Variants in GSK3B observed in about 807,000 individuals in gnomAD.
The protein encoded by GSK3B is glycogen synthase kinase 3 beta.
Under a neutral mutation model 56.4 loss-of-function variants are expected in GSK3B, and 15 were observed. The ratio of observed to expected loss-of-function variants is 0.27; its 90% CI spans 0.18 to 0.41. The LOEUF is 0.41. Among genes scored for constraint, GSK3B ranks in the 10% least tolerant of loss-of-function variants. GSK3B has a pLI of 1.00. For missense variants in GSK3B, 300 were observed against 513.4 expected (o/e 0.58, Z 4.02); for synonymous variants, 181 against 188.9 (o/e 0.96, Z 0.34).
At chr3:120,066,697 C>T (rs2058283132) in intron 1 of GSK3B, among the ~76,000 whole-genome samples, 1 of 152,154 alleles carries the variant, frequency 6.6e-6, no homozygotes, top group South Asian at 2.1e-4. Context: ...GGGGTCAGCA[C>T]ACTTTCCATA....
intron 7 of GSK3B, among the ~76,000 whole-genome samples, chr3:119,893,063 G>A (rs865913261): frequency 9.9e-5 from 15 of 151,868 alleles, no homozygotes; most frequent in Admixed American, 3.3e-4. Context: ...GTTGGTGTGC[G>A]GTGGTGCAAT....
At chr3:119,866,517 C>CTTT in intron 8 of GSK3B, 1 of 872,036 alleles carries the variant, frequency 1.1e-6, no homozygotes, top group South Asian at 1.4e-5. Flanking sequence ...ATTATTTAGC[C>CTTT]TCTCAAAGAA....
chr3:120,058,218 G>A (rs1559894835), intron 1 of GSK3B, among the ~76,000 whole-genome samples: 4 of 151,972 alleles, frequency 2.6e-5, no homozygotes, highest in African/African-American at 4.8e-5. Flanking sequence ...CCTTTGAGAA[G>A]CATCACAAAA....
chr3:120,017,718 C>G (rs1254557678), intron 1 of GSK3B, among the ~76,000 whole-genome samples: 2 of 152,220 alleles, frequency 1.3e-5, no homozygotes, highest in Non-Finnish European at 2.9e-5. Flanking sequence ...GTCCTACATA[C>G]TTTATCAATT....
chr3:119,863,585 T>A lies in GSK3B; in HGVS notation c.930A>T (p.Pro310=), dbSNP rs2056138188. The part of the protein sequence containing the change: ...PWTKVFRPRT[P]PEAIALCSRL... The stretch of plus-strand genomic sequence containing the variant: ...GGCTACACAGTGCAATTGCCTCCGG[T>A]GGAGTTCGGGGTCGGAAGACCTGCA... The change falls in exon 9 of 11, where the codon CCA becomes CCT. Residue 310 remains proline, a synonymous_variant. Transcript: ENST00000264235. The A allele has an allele frequency of 6.2e-7, 1 of 1,611,936 alleles. No individual in the cohort carries two copies.
chr3:120,088,842 T>A (rs1427861480), intron 1 of GSK3B, among the ~76,000 whole-genome samples: 2 of 152,222 alleles, frequency 1.3e-5, no homozygotes, highest in East Asian at 3.8e-4. Context: ...CACCACAATC[T>A]CACATCCTGT....
chr3:119,951,954 TAAAA>T (rs536904299), intron 2 of GSK3B, among the ~76,000 whole-genome samples: 1 of 141,784 alleles, frequency 7.1e-6, no homozygotes, highest in African/African-American at 2.6e-5. Context: ...GAGATGGCAT[TAAAA>T]AAAAAAACCC....
intron 2 of GSK3B, among the ~76,000 whole-genome samples, chr3:119,989,135 G>T (rs560842975): frequency 1.3e-5 from 2 of 152,290 alleles, no homozygotes; most frequent in South Asian, 4.1e-4. Context: ...CATCACAGAA[G>T]GAAATCTCTT....
intron 9 of GSK3B, among the ~76,000 whole-genome samples, chr3:119,858,416 C>T (rs564953663): frequency 6.6e-6 from 1 of 152,322 alleles, no homozygotes; most frequent in Non-Finnish European, 1.5e-5. Context: ...CTTCACCTTG[C>T]ACTTGAATGG....
intron 3 of GSK3B, among the ~76,000 whole-genome samples, chr3:119,925,329 A>C (rs1180249528): frequency 6.6e-6 from 1 of 152,156 alleles, no homozygotes; most frequent in East Asian, 1.9e-4. Context: ...CCTTGTCTCA[A>C]AATCAATTTG....
intron 3 of GSK3B, among the ~76,000 whole-genome samples, chr3:119,942,210 GTTAC>G (rs1014846512): frequency 6.6e-6 from 1 of 152,088 alleles, no homozygotes; most frequent in East Asian, 1.9e-4. Flanking sequence ...TAAATGAAAA[GTTAC>G]TTAGAGAAGT....
At chr3:119,840,092 CTCTG>C (rs374675649) in intron 10 of GSK3B, among the ~76,000 whole-genome samples, 12 of 152,126 alleles carry the variant, frequency 7.9e-5, no homozygotes, top group South Asian at 2.1e-4. Context: ...CAGTCCCTCA[CTCTG>C]TCTGTGTGGA....
chr3:119,925,408 T>A (rs551942885), intron 3 of GSK3B, among the ~76,000 whole-genome samples: 7 of 152,172 alleles, frequency 4.6e-5, no homozygotes, highest in Non-Finnish European at 1.0e-4. Flanking sequence ...TCTTTCCTCC[T>A]CTTCAACCTC....
intron 1 of GSK3B, among the ~76,000 whole-genome samples, chr3:120,022,287 A>G (rs2057885617): frequency 6.6e-6 from 1 of 152,226 alleles, no homozygotes; most frequent in Non-Finnish European, 1.5e-5. Context: ...TGTTTTAACT[A>G]AGGCTGTTTA....
chr3:119,906,989 A>G (rs76656611), intron 6 of GSK3B, among the ~76,000 whole-genome samples: 3,933 of 152,194 alleles, frequency 0.026, 176 homozygotes, highest in African/African-American at 0.089. Flanking sequence ...TAACCAAGAC[A>G]TCTATTCTGC....
intron 1 of GSK3B, among the ~76,000 whole-genome samples, chr3:120,092,874 T>C (rs1205527320): frequency 6.6e-6 from 1 of 152,236 alleles, no homozygotes; most frequent in Non-Finnish European, 1.5e-5. Flanking sequence ...GGGTGGGACA[T>C]TTAACGTCTC....
chr3:119,878,353 G>A (rs2056338744), intron 7 of GSK3B, among the ~76,000 whole-genome samples: 2 of 152,058 alleles, frequency 1.3e-5, no homozygotes, highest in Admixed American at 6.6e-5. Context: ...TGGCAAATAA[G>A]CACAAGAAAA....
At chr3:120,002,648 A>G (rs1170235470) in intron 1 of GSK3B, among the ~76,000 whole-genome samples, 1 of 152,152 alleles carries the variant, frequency 6.6e-6, no homozygotes, top group Non-Finnish European at 1.5e-5. Flanking sequence ...AAAGTAAACT[A>G]TATTCTTTAC....
intron 7 of GSK3B, among the ~76,000 whole-genome samples, chr3:119,893,252 G>A (rs1040454494): frequency 6.6e-6 from 1 of 152,076 alleles, no homozygotes; most frequent in Non-Finnish European, 1.5e-5. Context: ...ACCCATCTCA[G>A]CCTCCCAAAG....
Sources: gnomAD v4.1 joint callset for allele counts (sites outside exome capture counted in the v4.1 genomes callset) on GRCh38, gnomAD v4.1.1 for gene constraint, MANE v1.5 for transcripts, NCBI Gene and HGNC (gene_info 2026-07-23, HGNC 2026-07-21) for gene names.